The following GSTO1 variants were observed in gnomAD, a reference collection of about 807,000 sequenced individuals.
GSTO1 encodes the protein glutathione S-transferase omega 1, also known as glutathione S-transferase omega-1.
GSTO1 carries 27 observed loss-of-function variants against 23.8 expected under a neutral mutation model. The observed-to-expected ratio is 1.13, with a 90% confidence interval of 0.83 to 1.56. GSTO1 has a LOEUF of 1.56. GSTO1 is among the 40% of genes most tolerant of loss of function. GSTO1 has a pLI of 0.00. For missense variants in GSTO1, 255 were observed against 285.8 expected (o/e 0.89, Z 0.78); for synonymous variants, 105 against 109.3 (o/e 0.96, Z 0.25).
rs541451845 is a variant in GSTO1, at chr10:104,257,737, C to T, written c.144-1839C>T. On this transcript the variant is annotated intron_variant, in intron 2 of 5. Transcript: ENST00000369713. ...ATAAATTGAATTTTATGTTGGTTCTCATATAGTGGATAGTGGACACAATTC... is the reference window on the plus strand; with the variant it reads ...ATAAATTGAATTTTATGTTGGTTCTTATATAGTGGATAGTGGACACAATTC... Among the ~76,000 whole-genome samples, 8 of 152,156 alleles carry T rather than the reference C, an allele frequency of 5.3e-5. No individual in the cohort carries two copies. The South Asian group carries it at 1.7e-3, about 32-fold the overall frequency.
rs992334652 is a variant in GSTO1 at position 104,256,744 on chromosome 10, G to C, written c.143+1473G>C. The stretch of plus-strand genomic sequence containing the variant: ...GTAGACTTGTTGGCTCACAATGCCA[G>C]CTTACCAAAATTCATGTGTGTTCTG... On this transcript the variant is annotated intron_variant, in intron 2 of 5. Transcript: ENST00000369713. Among the ~76,000 whole-genome samples the C allele has an allele frequency of 5.3e-5, 8 of 152,082 alleles. No individual in the cohort carries two copies. The South Asian group carries it at 1.2e-3, about 24-fold the overall frequency.
chr10:104,254,737 A>T, upstream of GSTO1: 1 of 631,640 alleles, frequency 1.6e-6, no homozygotes. Flanking sequence ...GCTTTGACAC[A>T]GCCCCTTAAG....
chr10:104,254,676 T>G, upstream of GSTO1: 10 of 560,214 alleles, frequency 1.8e-5, no homozygotes, highest in Admixed American at 3.2e-5. Context: ...TGACTGAGCA[T>G]TTATAACTTT....
chr10:104,259,497 G>A (rs1589844646), intron 2 of GSTO1, 79 bp from the exon 3 acceptor site: 1 of 859,486 alleles, frequency 1.2e-6, no homozygotes, highest in East Asian at 2.6e-5. Flanking sequence ...CAGCTAAGTG[G>A]ATGGCAAAGC....
At chr10:104,266,563 C>A (rs1317791127) in intron 5 of GSTO1, among the ~76,000 whole-genome samples, 1 of 152,074 alleles carries the variant, frequency 6.6e-6, no homozygotes, top group African/African-American at 2.4e-5. Flanking sequence ...GTGGTGAAAC[C>A]CCATCTCTAC....
chr10:104,255,781 G>T (rs2091600350), intron 2 of GSTO1, among the ~76,000 whole-genome samples: 1 of 152,198 alleles, frequency 6.6e-6, no homozygotes, highest in Non-Finnish European at 1.5e-5. Context: ...CTGTGGATTG[G>T]GCTGTTGGTT....
At chr10:104,255,024 C>A in intron 1 of GSTO1, 62 bp downstream of exon 1, 3 of 1,534,860 alleles carry the variant, frequency 2.0e-6, no homozygotes, top group Admixed American at 1.8e-5. Context: ...ATGTTCGAGG[C>A]TGCTCCGGGA....
intron 2 of GSTO1, among the ~76,000 whole-genome samples, chr10:104,255,928 C>A (rs12250592): frequency 0.074 from 11,232 of 152,186 alleles, 1,395 homozygotes; most frequent in African/African-American, 0.26. Context: ...ACCAAGTATC[C>A]ATTGGAACCA....
chr10:104,263,126 C>T (rs1252313924), intron 4 of GSTO1, 49 bp downstream of exon 4: 1 of 744,520 alleles, frequency 1.3e-6, no homozygotes, highest in East Asian at 2.5e-5. Context: ...ACTATATCTA[C>T]CCTCCTTTTC....
At chr10:104,262,049 T>TA (rs1369471579) in intron 3 of GSTO1, among the ~76,000 whole-genome samples, 1 of 132,398 alleles carries the variant, frequency 7.6e-6, no homozygotes, top group Non-Finnish European at 1.5e-5. Flanking sequence ...GACACACACA[T>TA]AGAGTTCAAA....
At chr10:104,254,185 AG>A (rs2091590310), upstream of GSTO1, 3 of 152,352 alleles carry the variant, frequency 2.0e-5, no homozygotes, top group Non-Finnish European at 4.4e-5. Context: ...ATTTTTCTCC[AG>A]CGAGAGGAAG....
chr10:104,259,556 G>A lies in GSTO1; in HGVS notation c.144-20G>A. The A allele has an allele frequency of 1.4e-6, 2 of 1,472,260 alleles. No homozygotes were observed. The highest frequency in any genetic ancestry group is 1.9e-6 in the Non-Finnish European group (2 of 1,052,706). 91.2% of individuals were successfully genotyped at this position (1,472,260 alleles called of 1,614,324 possible). On this transcript the variant is annotated intron_variant, in intron 2 of 5. Transcript: ENST00000369713. ...CAAAAGTTGTTTCCTTCTCTTCATA[G>A]TCTCCTATGTGTCTTTCAGGCATGA...
intron 2 of GSTO1, 70 bp from the exon 3 acceptor site, chr10:104,259,506 G>A: frequency 3.2e-6 from 3 of 944,838 alleles, no homozygotes; most frequent in Non-Finnish European, 5.0e-6. Flanking sequence ...GGATGGCAAA[G>A]CCAGTGAGAA....
At chr10:104,254,813 C>A, upstream of GSTO1, 7 of 1,011,312 alleles carry the variant, frequency 6.9e-6, no homozygotes, top group East Asian at 2.5e-5. Context: ...CCGCCGGGGG[C>A]AGGCACTTTT....
chr10:104,254,599 G>T, upstream of GSTO1: 1 of 441,286 alleles, frequency 2.3e-6, no homozygotes, highest in Non-Finnish European at 4.2e-6. Flanking sequence ...GGGAGGTCAG[G>T]GTCAGGGTCA....
chr10:104,259,522 C>T (rs893730906), intron 2 of GSTO1, 54 bp from the exon 3 acceptor site: 1 of 1,161,234 alleles, frequency 8.6e-7, no homozygotes, highest in African/African-American at 1.5e-5. Context: ...GAGAATTTAT[C>T]CAAAAGCACA....
At chr10:104,263,105 A>C (rs17884170) in intron 4 of GSTO1, 28 bp downstream of exon 4, 1 of 898,792 alleles carries the variant, frequency 1.1e-6, no homozygotes, top group South Asian at 1.4e-5. Context: ...CTATCATCAG[A>C]GTAAACGATA....
In GSTO1 at chr10:104,255,232, C is replaced by G; in HGVS notation, c.104C>G (p.Ala35Gly). Residue 35 changes from alanine (A) to glycine (G), a missense_variant, in exon 2 of 6, where the codon GCT (alanine) becomes GGT (glycine). By Grantham distance (60) the Ala-to-Gly change is moderately conservative (BLOSUM62 0). Coordinates refer to ENST00000369713, the MANE Select transcript of GSTO1 (RefSeq NM_004832.3). Reference sequence around the variant, plus strand: ...TACAGCATGAGGTTCTGCCCGTTTGCTGAGAGGACGCGTCTAGTCCTGAAG... The same window carrying G: ...TACAGCATGAGGTTCTGCCCGTTTGGTGAGAGGACGCGTCTAGTCCTGAAG... The part of the protein sequence containing the change: ...RIYSMRFCPF[A>G]ERTRLVLKAK... 1 of 1,613,644 alleles carries G rather than the reference C, an allele frequency of 6.2e-7. No homozygotes were observed. The highest frequency in any genetic ancestry group is 1.7e-5 in the Admixed American group (1 of 60,018).
In GSTO1 at chr10:104,255,011, G is replaced by A. The variant is rs539380805; in HGVS notation, c.34+49G>A. 541 of 1,372,768 alleles carry A rather than the reference G, an allele frequency of 3.9e-4. 6 individuals carry two copies. In the South Asian group the frequency reaches 6.1e-3, roughly 16 times the overall value. 85.0% of individuals were successfully genotyped at this position (1,372,768 alleles called of 1,614,324 possible). The stretch of plus-strand genomic sequence containing the variant: ...GGGGGTGATCTCGGCGACCCCCGGC[G>A]GCATGTTCGAGGCTGCTCCGGGAGC... On this transcript the variant is annotated intron_variant, in intron 1 of 5. Transcript: ENST00000369713.
Sources: gnomAD v4.1 joint callset for allele counts (sites outside exome capture counted in the v4.1 genomes callset) on GRCh38, gnomAD v4.1.1 for gene constraint, MANE v1.5 for transcripts, NCBI Gene and HGNC (gene_info 2026-07-23, HGNC 2026-07-21) for gene names.